KYAT1: variants seen among roughly 807,000 people sequenced by gnomAD.
KYAT1 encodes kynurenine aminotransferase 1, also known as kynurenine--oxoglutarate transaminase 1.
In KYAT1, 47 loss-of-function variants were observed where a neutral mutation model predicts 52.4. The observed-to-expected ratio is 0.90, with a 90% CI of 0.71 to 1.14. The LOEUF is 1.14. Ranked by LOEUF, KYAT1 falls within the 50% of genes most tolerant of loss-of-function variation. The pLI, the probability that KYAT1 is intolerant of heterozygous loss-of-function variation, is 0.00. For missense variants in KYAT1, 480 were observed against 557.9 expected, an observed-to-expected ratio of 0.86 and a Z score of 1.41; for synonymous variants, 212 against 209.6, an observed-to-expected ratio of 1.01 and a Z score of -0.10.
At chr9:128,836,466 T>C (rs1831141404) in intron 7 of KYAT1, among the ~76,000 whole-genome samples, 1 of 152,028 alleles carries the variant, frequency 6.6e-6, no homozygotes, top group Admixed American at 6.6e-5. Flanking sequence ...GCCCAGCTAA[T>C]TTTTGTACTT....
intron 1 of KYAT1, among the ~76,000 whole-genome samples, chr9:128,850,786 T>G (rs1358257019): frequency 6.6e-6 from 1 of 152,212 alleles, no homozygotes; most frequent in Non-Finnish European, 1.5e-5. Flanking sequence ...AACCTGATTA[T>G]ACATTTGTTC....
intron 1 of KYAT1, among the ~76,000 whole-genome samples, chr9:128,872,566 G>A (rs1837388924): frequency 6.6e-6 from 1 of 151,868 alleles, no homozygotes; most frequent in Non-Finnish European, 1.5e-5. Flanking sequence ...TCAGGAGTTC[G>A]AGACCAGCCT....
intron 1 of KYAT1, among the ~76,000 whole-genome samples, chr9:128,874,118 T>A (rs1274872911): frequency 2.6e-5 from 4 of 151,058 alleles, no homozygotes; most frequent in African/African-American, 9.7e-5. Context: ...TAGCCAGGCG[T>A]GGTGGCGGGC....
chr9:128,880,481 G>A (rs1460768797), intron 1 of KYAT1, among the ~76,000 whole-genome samples: 1 of 149,386 alleles, frequency 6.7e-6, no homozygotes, highest in Non-Finnish European at 1.5e-5. Context: ...TTGCTCTGTT[G>A]CCCAGGCTGA....
chr9:128,875,159 T>G (rs1472810915), intron 1 of KYAT1, among the ~76,000 whole-genome samples: 1 of 152,200 alleles, frequency 6.6e-6, no homozygotes, highest in Admixed American at 6.6e-5. Flanking sequence ...GATCTCAGGT[T>G]TCCCAAACTG....
At chr9:128,836,237 C>T in intron 7 of KYAT1, 164 bp from the exon 8 acceptor site, 1 of 506,916 alleles carries the variant, frequency 2.0e-6, no homozygotes, top group Non-Finnish European at 3.5e-6. Context: ...CCTTTCCTTT[C>T]CTTCCTTCCT....
At chr9:128,877,489 G>C (rs1838218016) in intron 1 of KYAT1, among the ~76,000 whole-genome samples, 2 of 152,218 alleles carry the variant, frequency 1.3e-5, no homozygotes, top group Non-Finnish European at 2.9e-5. Context: ...AGCCTAGAGA[G>C]CTCCAGCTGT....
intron 2 of KYAT1, among the ~76,000 whole-genome samples, chr9:128,845,081 T>G (rs1364505269): frequency 6.6e-6 from 1 of 152,100 alleles, no homozygotes; most frequent in Non-Finnish European, 1.5e-5. Context: ...TCCCCAACGC[T>G]CTCCAGGTGG....
chr9:128,868,703 ATTTT>A (rs1202846765), intron 1 of KYAT1, among the ~76,000 whole-genome samples: 15 of 131,968 alleles, frequency 1.1e-4, no homozygotes, highest in African/African-American at 2.3e-4. Context: ...TGCCTGGCTA[ATTTT>A]TTTTTTTTTT....
intron 1 of KYAT1, among the ~76,000 whole-genome samples, chr9:128,879,582 G>GTA (rs965649421): frequency 2.0e-5 from 3 of 152,320 alleles, no homozygotes; most frequent in Admixed American, 2.0e-4. Context: ...GGTCTAACTT[G>GTA]TATATTCTCC....
At chr9:128,842,055 G>T in intron 3 of KYAT1, 1 of 248,718 alleles carries the variant, frequency 4.0e-6, no homozygotes, top group Non-Finnish European at 8.3e-6. Flanking sequence ...AGCTGGGCAT[G>T]GTGATGCACA....
At chr9:128,841,190 T>A (rs11788976) in intron 3 of KYAT1, among the ~76,000 whole-genome samples, 1 of 150,894 alleles carries the variant, frequency 6.6e-6, no homozygotes, top group Non-Finnish European at 1.5e-5. Context: ...ACTAACATGG[T>A]GAAACCCAGT....
chr9:128,878,723 G>A (rs181264410), intron 1 of KYAT1, among the ~76,000 whole-genome samples: 2 of 152,158 alleles, frequency 1.3e-5, no homozygotes, highest in Admixed American at 6.5e-5. Flanking sequence ...AGGTTTACAG[G>A]CTGGAGGGGT....
At position 128,836,917 on chromosome 9, in the gene KYAT1, G is replaced by A; in HGVS notation, c.573C>T (p.Phe191=). The change falls in exon 7 of 13, where the codon TTC becomes TTT. Residue 191 remains phenylalanine, a synonymous_variant. Transcript: ENST00000302586. Reference sequence around the variant, plus strand: ...CCACCAGCTCCAGCTCTTCCCTGGAGAACACCTGCAGATGCCCAAGGAGAG... The same window carrying A: ...CCACCAGCTCCAGCTCTTCCCTGGAAAACACCTGCAGATGCCCAAGGAGAG... ...NTPNNPLGKV[F]SREELELVAS... 1 of 1,612,256 alleles carries A rather than the reference G, an allele frequency of 6.2e-7. No homozygotes were observed. Among genetic ancestry groups the A allele is most frequent in the East Asian group, 2.2e-5 (1 of 44,878 alleles).
At chr9:128,868,635 C>T (rs1836757142) in intron 1 of KYAT1, among the ~76,000 whole-genome samples, 2 of 151,858 alleles carry the variant, frequency 1.3e-5, no homozygotes, top group Non-Finnish European at 2.9e-5. Flanking sequence ...CTCATAGAGT[C>T]AAGCAATCTT....
At chr9:128,877,564 C>T (rs1838230412) in intron 1 of KYAT1, among the ~76,000 whole-genome samples, 1 of 152,180 alleles carries the variant, frequency 6.6e-6, no homozygotes, top group African/African-American at 2.4e-5. Flanking sequence ...TCCTCTCAGG[C>T]GGGTGCTAGG....
At chr9:128,866,224 C>T (rs192192305) in intron 1 of KYAT1, among the ~76,000 whole-genome samples, 211 of 152,240 alleles carry the variant, frequency 1.4e-3, no homozygotes, top group Non-Finnish European at 2.5e-3. Context: ...CCTTAATATG[C>T]AAATATTTGT....
In KYAT1 at chr9:128,841,363, C is replaced by T. The variant is rs140845743; in HGVS notation, c.201+1291G>A. Among the ~76,000 whole-genome samples the T allele has an allele frequency of 4.4e-3, 664 of 152,090 alleles. 6 individuals are homozygous for T. The highest frequency in any genetic ancestry group is 0.015 in the African/African-American group (639 of 41,508). On this transcript the variant is annotated intron_variant, in intron 3 of 12. Coordinates refer to ENST00000302586, the MANE Select transcript of KYAT1 (RefSeq NM_004059.5). ...ACTAAAAATACAAAAATTAGCTGGG[C>T]ATGGTGGCGGGCGCCTGTAATCCCA...
chr9:128,878,870 G>A (rs185276245), intron 1 of KYAT1, among the ~76,000 whole-genome samples: 40 of 152,306 alleles, frequency 2.6e-4, no homozygotes, highest in South Asian at 2.5e-3. Context: ...TAGCCTCGCG[G>A]GAGCCTTGGA....
Sources: gnomAD v4.1 joint callset for allele counts (sites outside exome capture counted in the v4.1 genomes callset) on GRCh38, gnomAD v4.1.1 for gene constraint, MANE v1.5 for transcripts, NCBI Gene and HGNC (gene_info 2026-07-23, HGNC 2026-07-21) for gene names.